Variants in RUNDC3B observed in about 807,000 individuals in gnomAD.
RUNDC3B encodes the protein RUN domain-containing protein 3B.
In RUNDC3B, 33 loss-of-function variants were observed where a neutral mutation model predicts 58.4. That is an observed-to-expected ratio of 0.56 (90% CI 0.43 to 0.75). The LOEUF (loss-of-function observed/expected upper bound fraction) is 0.75, where lower values mean the gene tolerates loss of function less well. Ranked by LOEUF, RUNDC3B falls within the 30% of genes least tolerant of loss-of-function variation. The pLI is 0.00. For synonymous variants in RUNDC3B, 193 were observed against 195.2 expected (o/e 0.99, Z 0.10); for missense variants, 501 against 535.7 (o/e 0.94, Z 0.64).
intron 4 of RUNDC3B, among the ~76,000 whole-genome samples, chr7:87,732,704 T>G (rs1190008234): frequency 6.6e-6 from 1 of 152,154 alleles, no homozygotes; most frequent in Non-Finnish European, 1.5e-5. Context: ...GCATTTATTA[T>G]TAAGTTTAGT....
intron 2 of RUNDC3B, among the ~76,000 whole-genome samples, chr7:87,695,700 A>C (rs1828439837): frequency 6.6e-6 from 1 of 152,088 alleles, no homozygotes; most frequent in Non-Finnish European, 1.5e-5. Flanking sequence ...CACTTAACAG[A>C]TTCATTTATA....
At chr7:87,721,004 T>C (rs1384355392) in intron 4 of RUNDC3B, among the ~76,000 whole-genome samples, 2 of 150,046 alleles carry the variant, frequency 1.3e-5, no homozygotes, top group Non-Finnish European at 3.0e-5. Flanking sequence ...ATTAAATGTA[T>C]AATTTAAAAT....
intron 2 of RUNDC3B, among the ~76,000 whole-genome samples, chr7:87,675,896 A>G (rs1219666271): frequency 2.0e-5 from 3 of 152,150 alleles, no homozygotes; most frequent in Non-Finnish European, 4.4e-5. Context: ...AACAAAGAAA[A>G]GATAAATAAG....
rs541234577 is a variant in RUNDC3B at position 87,812,446 on chromosome 7, T to C, written c.1104-3695T>C. Among the ~76,000 whole-genome samples the C allele has an allele frequency of 1.5e-3, 231 of 152,154 alleles. 1 individual carries two copies. Among genetic ancestry groups the C allele is most frequent in the African/African-American group, 5.3e-3 (221 of 41,516 alleles). On this transcript the variant is annotated intron_variant, in intron 9 of 10. Coordinates refer to ENST00000394654, the MANE Select transcript of RUNDC3B (RefSeq NM_001134405.2). ...CAACATGGTGAAACCGCATCTCCACTAAAACTACAAAAATTAGCCAGGCAT... is the reference window on the plus strand; with the variant it reads ...CAACATGGTGAAACCGCATCTCCACCAAAACTACAAAAATTAGCCAGGCAT...
intron 10 of RUNDC3B, among the ~76,000 whole-genome samples, chr7:87,827,919 T>C (rs1053034059): frequency 6.6e-6 from 1 of 152,200 alleles, no homozygotes; most frequent in African/African-American, 2.4e-5. Flanking sequence ...ATCCCCCAGA[T>C]ACCTGGGTGG....
chr7:87,751,346 T>C (rs1424461035), intron 6 of RUNDC3B, among the ~76,000 whole-genome samples: 1 of 152,184 alleles, frequency 6.6e-6, no homozygotes, highest in Non-Finnish European at 1.5e-5. Context: ...TGGCTTAGGA[T>C]TGACTTGGTG....
intron 8 of RUNDC3B, among the ~76,000 whole-genome samples, chr7:87,789,984 C>G (rs1835435588): frequency 6.6e-6 from 1 of 152,212 alleles, no homozygotes; most frequent in African/African-American, 2.4e-5. Context: ...ACAAGCCTGG[C>G]TGGCTTCACT....
At chr7:87,726,381 C>T (rs1345813420) in intron 4 of RUNDC3B, among the ~76,000 whole-genome samples, 7 of 151,978 alleles carry the variant, frequency 4.6e-5, no homozygotes, top group East Asian at 1.9e-4. Flanking sequence ...TTGTCAGGTT[C>T]GTCAAAGATC....
Position 87,704,801 on chromosome 7 carries a change from T to A in RUNDC3B, c.372+4247T>A, listed in dbSNP as rs568939741. ...TCTGTGGAGAAAGATTACCTCTCTT[T>A]ATTCATTGCAATGAAAAGAGCAGTT... On this transcript the variant is annotated intron_variant, in intron 3 of 10. Coordinates refer to ENST00000394654, the MANE Select transcript of RUNDC3B (RefSeq NM_001134405.2). Among the ~76,000 whole-genome samples the A allele has an allele frequency of 2.0e-5, 3 of 152,330 alleles. No homozygotes were observed. In the South Asian group the frequency reaches 6.2e-4, roughly 32 times the overall value.
intron 10 of RUNDC3B, among the ~76,000 whole-genome samples, chr7:87,824,568 G>C (rs1837693784): frequency 6.6e-6 from 1 of 152,170 alleles, no homozygotes; most frequent in African/African-American, 2.4e-5. Context: ...CTGCTGAAAA[G>C]ATACCCAAAC....
chr7:87,630,468 G>A (rs1821102654), intron 1 of RUNDC3B, among the ~76,000 whole-genome samples: 1 of 152,140 alleles, frequency 6.6e-6, no homozygotes, highest in Non-Finnish European at 1.5e-5. Flanking sequence ...AGGCTGTTAG[G>A]TGTTTTAAAA....
intron 2 of RUNDC3B, among the ~76,000 whole-genome samples, chr7:87,668,955 T>G (rs1191847853): frequency 1.3e-5 from 2 of 152,044 alleles, no homozygotes; most frequent in Admixed American, 1.3e-4. Flanking sequence ...TATTCTGGTG[T>G]TTTTTGGTGG....
chr7:87,811,937 C>T (rs939971351), intron 9 of RUNDC3B, among the ~76,000 whole-genome samples: 5 of 152,118 alleles, frequency 3.3e-5, no homozygotes, highest in Non-Finnish European at 5.9e-5. Flanking sequence ...ATATCTGTCT[C>T]GATGTACATT....
At chr7:87,701,249 G>C (rs1489835295) in intron 3 of RUNDC3B, among the ~76,000 whole-genome samples, 1 of 152,128 alleles carries the variant, frequency 6.6e-6, no homozygotes, top group African/African-American at 2.4e-5. Flanking sequence ...TTAGGCATTT[G>C]ACAGATATTT....
intron 4 of RUNDC3B, among the ~76,000 whole-genome samples, chr7:87,727,315 G>A (rs576970708): frequency 2.6e-5 from 4 of 152,150 alleles, no homozygotes; most frequent in East Asian, 1.9e-4. Context: ...ATCAATAAAC[G>A]TAATCCAGCA....
intron 9 of RUNDC3B, among the ~76,000 whole-genome samples, chr7:87,814,124 G>A (rs1055562708): frequency 6.8e-6 from 1 of 147,274 alleles, no homozygotes; most frequent in African/African-American, 2.5e-5. Context: ...TTTTGAGATG[G>A]AGTTTCACTC....
intron 8 of RUNDC3B, among the ~76,000 whole-genome samples, chr7:87,795,440 C>T (rs1835762820): frequency 6.6e-6 from 1 of 152,064 alleles, no homozygotes; most frequent in Admixed American, 6.6e-5. Flanking sequence ...ATCATCTCAC[C>T]CCAGTTAAAA....
chr7:87,826,543 A>G (rs1837823184), intron 10 of RUNDC3B, among the ~76,000 whole-genome samples: 1 of 152,044 alleles, frequency 6.6e-6, no homozygotes, highest in Non-Finnish European at 1.5e-5. Context: ...AAATGGGAAA[A>G]CAACCAAGAG....
At chr7:87,823,822 A>C (rs966121353) in intron 10 of RUNDC3B, among the ~76,000 whole-genome samples, 1 of 151,304 alleles carries the variant, frequency 6.6e-6, no homozygotes, top group Non-Finnish European at 1.5e-5. Context: ...ACACACACAC[A>C]CATATATATA....
Sources: gnomAD v4.1 joint callset for allele counts (sites outside exome capture counted in the v4.1 genomes callset) on GRCh38, gnomAD v4.1.1 for gene constraint, MANE v1.5 for transcripts, NCBI Gene and HGNC (gene_info 2026-07-23, HGNC 2026-07-21) for gene names.